Variants in TMEM168 observed in about 807,000 individuals in gnomAD.
TMEM168 encodes transmembrane protein 168.
A neutral mutation model predicts 53.2 loss-of-function variants in TMEM168; 40 were observed. The ratio of observed to expected loss-of-function variants is 0.75; its 90% CI spans 0.58 to 0.98. The LOEUF is 0.98. Ranked by LOEUF, TMEM168 falls within the 50% of genes least tolerant of loss-of-function variation. The pLI is 0.00. For missense variants in TMEM168, 771 were observed against 828.8 expected (o/e 0.93, Z 0.86); for synonymous variants, 282 against 293.0 (o/e 0.96, Z 0.38).
chr7:112,784,956 A>C lies in TMEM168; in HGVS notation c.-128-3T>G. 1 of 660,328 alleles carries C rather than the reference A, an allele frequency of 1.5e-6. No homozygotes were observed. 40.9% of individuals were successfully genotyped at this position (660,328 alleles called of 1,614,324 possible). A position where few individuals can be genotyped will look rare whatever the true frequency, so the allele number is the denominator to read the frequency against. On this transcript the variant is annotated splice_polypyrimidine_tract_variant and splice_region_variant and intron_variant, in intron 1 of 4. Coordinates refer to ENST00000312814, the MANE Select transcript of TMEM168 (RefSeq NM_022484.6). ...GTGGAAATTTTGTTTATAGTGATCT[A>C]AAAAGAAGAAAACAATATTTCAGAG...
In TMEM168 at chr7:112,783,886, A is replaced by G. The variant is rs1793297313; in HGVS notation, c.940T>C (p.Leu314=). 1 of 1,597,630 alleles carries G rather than the reference A, an allele frequency of 6.3e-7. No homozygotes were observed. Among genetic ancestry groups the G allele is most frequent in the Non-Finnish European group, 8.5e-7 (1 of 1,175,604 alleles). ...FWMICHIIFL[L]TLWGFHTKLN... ...TTGGTATGGAATCCCCAAAGAGTTA[A>G]AAGAAAAATAATATGACAAATCATC... Residue 314 remains leucine, a synonymous_variant, in exon 2 of 5, where the codon TTA becomes CTA. Transcript: ENST00000312814.
intron 3 of TMEM168, among the ~76,000 whole-genome samples, chr7:112,773,533 A>G (rs888941339): frequency 3.3e-5 from 5 of 151,844 alleles, no homozygotes; most frequent in African/African-American, 1.2e-4. Flanking sequence ...AATTTTATTA[A>G]CTTAAGGTAC....
At chr7:112,775,064 A>G (rs1177238128) in intron 3 of TMEM168, 112 bp downstream of exon 3, 3 of 892,488 alleles carry the variant, frequency 3.4e-6, no homozygotes, top group South Asian at 4.2e-5. Flanking sequence ...GAAGAAATGC[A>G]CAAGTTATAT....
At chr7:112,787,763 A>ATTTT (rs1793431108) in intron 1 of TMEM168, among the ~76,000 whole-genome samples, 3 of 60,996 alleles carry the variant, frequency 4.9e-5, no homozygotes, top group African/African-American at 1.1e-4. Flanking sequence ...ACAGAGTTTC[A>ATTTT]TTCTTGTTGC....
chr7:112,775,264 T>G lies in TMEM168; in HGVS notation c.1183A>C (p.Met395Leu), dbSNP rs746275335. 2 of 1,613,598 alleles carry G rather than the reference T, an allele frequency of 1.2e-6. No homozygotes were observed. The highest frequency in any genetic ancestry group is 1.7e-6 in the Non-Finnish European group (2 of 1,179,844). ...MFLIVLPLES[M>L]AHGLFHELGN... ...AATTCATGGAAGAGCCCATGAGCCA[T>G]GGATTCCAATGGCAAAACGATTAGA... is the stretch of plus-strand genomic sequence containing the variant. The change falls in exon 3 of 5, where the codon ATG becomes CTG. Residue 395 changes from methionine (M) to leucine (L), a missense_variant. Transcript: ENST00000312814.
At chr7:112,775,068 G>T in intron 3 of TMEM168, 108 bp downstream of exon 3, 1 of 930,772 alleles carries the variant, frequency 1.1e-6, no homozygotes, top group Non-Finnish European at 1.4e-6. Context: ...AAATGCACAA[G>T]TTATATTTTG....
At chr7:112,781,347 T>C (rs1434710720) in intron 2 of TMEM168, among the ~76,000 whole-genome samples, 1 of 152,176 alleles carries the variant, frequency 6.6e-6, no homozygotes, top group Non-Finnish European at 1.5e-5. Context: ...AAACATGCCA[T>C]GCCACAAAAC....
rs747753067 is a variant in TMEM168, at chr7:112,784,649, T to C, written c.177A>G (p.Thr59=). The stretch of plus-strand genomic sequence containing the variant: ...AAATTACCAAAATTAAGGAATTTGC[T>C]GTTTTTTCCCATCTTACGTATAGAC... ...CLGLYVRWEK[T]ANSLILVIFI... is the part of the protein sequence containing the mutation. Residue 59 remains threonine, a synonymous_variant, in exon 2 of 5, where the codon ACA becomes ACG. Coordinates refer to ENST00000312814, the MANE Select transcript of TMEM168 (RefSeq NM_022484.6). 6.2e-7 allele frequency: 1 copy of C among 1,612,046 alleles called. No individual in the cohort carries two copies. The highest frequency in any genetic ancestry group is 1.7e-5 in the Admixed American group (1 of 59,642).
chr7:112,773,010 C>G lies in TMEM168; in HGVS notation c.1317G>C (p.Glu439Asp), dbSNP rs997274372. 2 of 1,613,034 alleles carry G rather than the reference C, an allele frequency of 1.2e-6. No homozygotes were observed. The highest frequency in any genetic ancestry group is 1.7e-6 in the Non-Finnish European group (2 of 1,179,232). ...GCATGCCAGTAGACCTCAAATTTAACTCCTGTACATGTTCTGGGGGAAGCA... is the reference window on the plus strand; with the variant it reads ...GCATGCCAGTAGACCTCAAATTTAAGTCCTGTACATGTTCTGGGGGAAGCA... ...PTLLPPEHVQ[E>D]LNLRSTGMLN... Residue 439 changes from glutamate (E) to aspartate (D), a missense_variant, in exon 4 of 5, where the codon GAG becomes GAC. Transcript: ENST00000312814.
Position 112,786,959 on chromosome 7 carries a change from T to G in TMEM168, c.-128-2006A>C, listed in dbSNP as rs570923029. Among the ~76,000 whole-genome samples, 3 of 152,236 alleles carry G rather than the reference T, an allele frequency of 2.0e-5. No individual in the cohort carries two copies. The South Asian group carries it at 6.2e-4, about 32-fold the overall frequency. On this transcript the variant is annotated intron_variant, in intron 1 of 4. Transcript: ENST00000312814. ...CCACAAACCCACCTCTACTTATATC[T>G]CCGAATATAAGGAAAGAAGGCAGTT...
Position 112,767,426 on chromosome 7 carries a change from C to A in TMEM168, c.1865G>T (p.Trp622Leu). The A allele has an allele frequency of 6.2e-7, 1 of 1,614,128 alleles. No individual in the cohort carries two copies. The highest frequency in any genetic ancestry group is 8.5e-7 in the Non-Finnish European group (1 of 1,180,018). The change falls in exon 5 of 5, where the codon TGG (tryptophan) becomes TTG (leucine). Residue 622 changes from tryptophan (W) to leucine (L), a missense_variant. Trp to Leu is a moderately conservative substitution (Grantham distance 61). Coordinates refer to ENST00000312814, the MANE Select transcript of TMEM168 (RefSeq NM_022484.6). Reference sequence around the variant, plus strand: ...TGGCAAATGCAGAGTGTAGTCACTCCACCGTTTTGACACACCATATACTGC... The same window carrying A: ...TGGCAAATGCAGAGTGTAGTCACTCAACCGTTTTGACACACCATATACTGC... ...VKAVYGVSKR[W>L]SDYTLHLPTG... is the part of the protein sequence containing the mutation.
In TMEM168 at chr7:112,775,245, T is replaced by A. The variant is rs1256914915; in HGVS notation, c.1202A>T (p.His401Leu). 6.2e-7 allele frequency: 1 copy of A among 1,613,784 alleles called. No homozygotes were observed. The highest frequency in any genetic ancestry group is 1.7e-5 in the Admixed American group (1 of 59,996). ...TCCTCCTAAACAGTTACCCAATTCA[T>A]GGAAGAGCCCATGAGCCATGGATTC... ...PLESMAHGLF[H>L]ELGNCLGGTS... The change falls in exon 3 of 5, where the codon CAT becomes CTT. Residue 401 changes from histidine to leucine, a missense_variant. Transcript: ENST00000312814.
intron 4 of TMEM168, 103 bp downstream of exon 4, chr7:112,772,678 G>A: frequency 7.3e-7 from 1 of 1,376,528 alleles, no homozygotes; most frequent in South Asian, 1.4e-5. Flanking sequence ...GCATAGTTCA[G>A]TAAACTAAGA....
intron 1 of TMEM168, 121 bp from the exon 2 acceptor site, chr7:112,785,074 T>G (rs1170311064): frequency 3.2e-6 from 1 of 309,196 alleles, no homozygotes; most frequent in African/African-American, 2.2e-5. Context: ...GTTTACAACC[T>G]GATTTGCAAT....
chr7:112,775,583 ACAT>A (rs1793058453), intron 2 of TMEM168, among the ~76,000 whole-genome samples: 1 of 151,348 alleles, frequency 6.6e-6, no homozygotes, highest in African/African-American at 2.4e-5. Flanking sequence ...TTGTCAAATA[ACAT>A]CCTATCCAGA....
rs1256235275 is a variant in TMEM168 at position 112,767,134 on chromosome 7, A to C, written c.*63T>G. On this transcript the variant is annotated 3_prime_UTR_variant, in exon 5 of 5. Coordinates refer to ENST00000312814, the MANE Select transcript of TMEM168 (RefSeq NM_022484.6). Reference sequence around the variant, plus strand: ...ACAAATAAAAATACAGCATACAAAAAATGGCAAGTTAGTGATAATTGGTAG... The same window carrying C: ...ACAAATAAAAATACAGCATACAAAACATGGCAAGTTAGTGATAATTGGTAG... 2 of 1,485,926 alleles carry C rather than the reference A, an allele frequency of 1.3e-6. No homozygotes were observed. The highest frequency in any genetic ancestry group is 1.8e-6 in the Non-Finnish European group (2 of 1,104,914). The allele number at this position is 1,485,926 out of a possible 1,614,324, so 92.0% of individuals were successfully genotyped here.
At chr7:112,780,668 G>A (rs1017764774) in intron 2 of TMEM168, among the ~76,000 whole-genome samples, 12 of 152,164 alleles carry the variant, frequency 7.9e-5, no homozygotes. Flanking sequence ...AGGCTGCAGT[G>A]AGCCATGATT....
rs757998023 is a variant in TMEM168 at position 112,772,754 on chromosome 7, T to C, written c.1546+27A>G. ...TACATATACATGTGTATCTTTACAA[T>C]AGTGAAACTGCCAAAGGTGAGTTTA... On this transcript the variant is annotated intron_variant, in intron 4 of 4. Coordinates refer to ENST00000312814, the MANE Select transcript of TMEM168 (RefSeq NM_022484.6). The C allele has an allele frequency of 8.7e-6, 14 of 1,602,042 alleles. No homozygotes were observed. In the African/African-American group the frequency reaches 1.2e-4, roughly 14 times the overall value.
rs149746042 is a variant in TMEM168 at position 112,784,911 on chromosome 7, C to A, written c.-86G>T. 5.1e-6 allele frequency: 6 copies of A among 1,181,954 alleles called. No individual in the cohort carries two copies. Among genetic ancestry groups the A allele is most frequent in the Non-Finnish European group, 6.7e-6 (6 of 896,126 alleles). 73.2% of individuals were successfully genotyped at this position (1,181,954 alleles called of 1,614,324 possible). A position where few individuals can be genotyped will look rare whatever the true frequency, so the allele number is the denominator to read the frequency against. On this transcript the variant is annotated 5_prime_UTR_variant, in exon 2 of 5. It adds an upstream start codon to the 5' untranslated region. Transcript: ENST00000312814. Reference sequence around the variant, plus strand: ...AGTATATCCAATGTATCCGCAACTCCTATTTCAACATTTTCTCTTGTGGAA... The same window carrying A: ...AGTATATCCAATGTATCCGCAACTCATATTTCAACATTTTCTCTTGTGGAA...
Sources: gnomAD v4.1 joint callset for allele counts (sites outside exome capture counted in the v4.1 genomes callset) on GRCh38, gnomAD v4.1.1 for gene constraint, MANE v1.5 for transcripts, NCBI Gene and HGNC (gene_info 2026-07-23, HGNC 2026-07-21) for gene names.